Variants in INSR observed in about 807,000 individuals in gnomAD.
INSR encodes the protein IR.
Under a neutral mutation model 142.6 loss-of-function variants are expected in INSR, and 67 were observed. The observed-to-expected ratio is 0.47, with a 90% CI of 0.39 to 0.58. The LOEUF is 0.58. INSR is among the 20% of genes least tolerant of loss of function. INSR has a pLI of 0.00. For synonymous variants in INSR, 756 were observed against 743.1 expected (o/e 1.02, Z -0.28); for missense variants, 1,248 against 1,833.2 (o/e 0.68, Z 5.83).
At chr19:7,210,881 C>G (rs1046685705) in intron 2 of INSR, among the ~76,000 whole-genome samples, 13 of 152,022 alleles carry the variant, frequency 8.6e-5, no homozygotes, top group African/African-American at 3.1e-4. Flanking sequence ...AGCCACCCAC[C>G]ACCATGCCCA....
intron 2 of INSR, among the ~76,000 whole-genome samples, chr19:7,257,841 T>C (rs1047435624): frequency 6.6e-6 from 1 of 152,088 alleles, no homozygotes; most frequent in Non-Finnish European, 1.5e-5. Context: ...AGCTCATATA[T>C]AGACAGAGTC....
At chr19:7,263,984 A>G (rs1490537521) in intron 2 of INSR, among the ~76,000 whole-genome samples, 1 of 152,152 alleles carries the variant, frequency 6.6e-6, no homozygotes, top group South Asian at 2.1e-4. Flanking sequence ...AGCCTGGCCA[A>G]CATGGAGAAA....
chr19:7,131,369 A>G (rs11883285), intron 14 of INSR, among the ~76,000 whole-genome samples: 26,164 of 151,684 alleles, frequency 0.17, 2,841 homozygotes, highest in African/African-American at 0.31. Flanking sequence ...TTTTTGAGAC[A>G]GAGTCTCACT....
At chr19:7,185,858 A>G (rs1343907005) in intron 2 of INSR, among the ~76,000 whole-genome samples, 7 of 134,022 alleles carry the variant, frequency 5.2e-5, no homozygotes, top group East Asian at 2.1e-4. Flanking sequence ...AAAAAAAAAA[A>G]AGAGAGAGAG....
intron 3 of INSR, among the ~76,000 whole-genome samples, chr19:7,177,332 G>C (rs1185058898): frequency 6.6e-6 from 1 of 152,082 alleles, no homozygotes; most frequent in Non-Finnish European, 1.5e-5. Flanking sequence ...TTGCTAGCAT[G>C]GGGTGAAGGG....
At chr19:7,245,741 C>T in intron 2 of INSR, among the ~76,000 whole-genome samples, 1 of 152,144 alleles carries the variant, frequency 6.6e-6, no homozygotes, top group Admixed American at 6.6e-5. Context: ...CCACCACGCC[C>T]AGCCGAGCCC....
intron 2 of INSR, among the ~76,000 whole-genome samples, chr19:7,222,451 T>C (rs1322356193): frequency 1.3e-5 from 2 of 152,144 alleles, no homozygotes; most frequent in Non-Finnish European, 2.9e-5. Context: ...TGGTGTTCAG[T>C]GGTGTGACCG....
At chr19:7,257,451 T>G (rs1227126047) in intron 2 of INSR, among the ~76,000 whole-genome samples, 1 of 110,740 alleles carries the variant, frequency 9.0e-6, no homozygotes, top group East Asian at 2.7e-4. Context: ...AAAGGCGGGG[T>G]GGGAGGAGGG....
chr19:7,225,707 C>CCT lies in INSR; in HGVS notation c.653-41071_653-41070insAG, dbSNP rs1555683193. ...GGCTCTTGGTTTCCATTTCCCCCCC[C>CCT]TCAAAAAAAGAGCAGAGAATAATTG... On this transcript the variant is annotated intron_variant, in intron 2 of 21. Transcript: ENST00000302850. This position sits in a 1 kb window ranked among gnomAD's most constrained non-coding sequence, Gnocchi z 4.7. Among the ~76,000 whole-genome samples the CCT allele has an allele frequency of 0.19, 28,148 of 150,222 alleles. 3,037 individuals are homozygous for CCT. The highest frequency in any genetic ancestry group is 0.38 in the East Asian group (1,970 of 5,158).
Position 7,119,433 on chromosome 19 carries a change from C to A in INSR, c.3794+16G>T, listed in dbSNP as rs1473344303. ...CAACGAACACCTCACACACCTTAAA[C>A]CCTTTCTACACTTACACTCTCTCTG... On this transcript the variant is annotated intron_variant, in intron 21 of 21. Coordinates refer to ENST00000302850, the MANE Select transcript of INSR (RefSeq NM_000208.4). The surrounding 1 kb of genome is among the most constrained non-coding windows in gnomAD (Gnocchi z 5.2). 5 of 1,614,122 alleles carry A rather than the reference C, an allele frequency of 3.1e-6. No individual in the cohort carries two copies. In the Admixed American group the frequency reaches 8.3e-5, roughly 27 times the overall value.
intron 12 of INSR, among the ~76,000 whole-genome samples, chr19:7,142,019 T>C (rs1568441149): frequency 6.6e-6 from 1 of 152,024 alleles, no homozygotes; most frequent in Non-Finnish European, 1.5e-5. Flanking sequence ...ACTTTTTTTT[T>C]TTTTTGAGAC....
At position 7,122,452 on chromosome 19, in the gene INSR, C is replaced by G. The variant is rs557134811; in HGVS notation, c.3529+162G>C. On this transcript the variant is annotated intron_variant, in intron 19 of 21. Coordinates refer to ENST00000302850, the MANE Select transcript of INSR (RefSeq NM_000208.4). ...ACAGAGTAAGACTCCGTCTCAAAAA[C>G]AAAAAGACAAAACAAAACAAAAAAA... 5.6e-5 allele frequency: 44 copies of G among 788,118 alleles called. No individual in the cohort carries two copies. The African/African-American group carries it at 7.5e-4, about 13-fold the overall frequency. 48.8% of individuals were successfully genotyped at this position (788,118 alleles called of 1,614,324 possible).
intron 1 of INSR, among the ~76,000 whole-genome samples, chr19:7,280,188 C>T (rs1406702297): frequency 4.0e-5 from 6 of 151,816 alleles, no homozygotes; most frequent in African/African-American, 9.7e-5. Context: ...GGCGTGAACC[C>T]GGGAGGCGGA....
rs755675477 is a variant in INSR, at chr19:7,267,721, C to A, written c.276G>T (p.Arg92=). The change falls in exon 2 of 22, where the codon CGG becomes CGT. Residue 92 remains arginine, a synonymous_variant. Coordinates refer to ENST00000302850, the MANE Select transcript of INSR (RefSeq NM_000208.4). The surrounding 1 kb of genome is among the most constrained non-coding windows in gnomAD (Gnocchi z 6.3). The stretch of plus-strand genomic sequence containing the variant: ...CCTTCAGGCTCTCGAGCCCATAGAC[C>A]CGGAAGAGCAGCAAGTAATCAGTGA... ...IMITDYLLLF[R]VYGLESLKDL... The A allele has an allele frequency of 1.2e-6, 2 of 1,614,008 alleles. No homozygotes were observed. Among genetic ancestry groups the A allele is most frequent in the East Asian group, 4.5e-5 (2 of 44,890 alleles).
chr19:7,155,667 C>T (rs1004363793), intron 9 of INSR, among the ~76,000 whole-genome samples: 1 of 149,732 alleles, frequency 6.7e-6, no homozygotes, highest in Non-Finnish European at 1.5e-5. Context: ...AATACCAGAA[C>T]TTTGGGAGGC....
chr19:7,243,685 A>G (rs1976440454), intron 2 of INSR, among the ~76,000 whole-genome samples: 1 of 152,224 alleles, frequency 6.6e-6, no homozygotes, highest in African/African-American at 2.4e-5. Flanking sequence ...TGATGAAGAC[A>G]TTGCAAAATA....
chr19:7,241,473 T>A (rs934301513), intron 2 of INSR, among the ~76,000 whole-genome samples: 1 of 151,762 alleles, frequency 6.6e-6, no homozygotes, highest in Non-Finnish European at 1.5e-5. Context: ...AATACAAAAC[T>A]TTGCCAGGCA....
Position 7,166,127 on chromosome 19 carries a change from G to C in INSR, c.1861+27C>G, listed in dbSNP as rs3815902. The C allele has an allele frequency of 6.2e-7, 1 of 1,612,562 alleles. No individual in the cohort carries two copies. The highest frequency in any genetic ancestry group is 1.3e-5 in the African/African-American group (1 of 74,738). Reference sequence around the variant, plus strand: ...AAAGCAAGAGGTCTGATTCACATACGAATTCACATTCCCAAGACACACTCA... The same window carrying C: ...AAAGCAAGAGGTCTGATTCACATACCAATTCACATTCCCAAGACACACTCA... On this transcript the variant is annotated intron_variant, in intron 8 of 21. Coordinates refer to ENST00000302850, the MANE Select transcript of INSR (RefSeq NM_000208.4). This position sits in a 1 kb window ranked among gnomAD's most constrained non-coding sequence, Gnocchi z 4.1.
At chr19:7,185,335 T>C (rs559880693) in intron 2 of INSR, among the ~76,000 whole-genome samples, 9 of 152,328 alleles carry the variant, frequency 5.9e-5, no homozygotes, top group African/African-American at 2.2e-4. Flanking sequence ...ACATGTGAAG[T>C]AGATACACTG....
Sources: allele counts gnomAD v4.1 joint callset (sites outside exome capture counted in the v4.1 genomes callset), GRCh38; gene constraint gnomAD v4.1.1; non-coding constraint Gnocchi (gnomAD v3.1); transcripts MANE v1.5; gene names NCBI Gene and HGNC (gene_info 2026-07-23, HGNC 2026-07-21).